The following PARP11 variants were observed in gnomAD, a reference collection of about 807,000 sequenced individuals.
PARP11 encodes protein mono-ADP-ribosyltransferase PARP11.
In PARP11, 31 loss-of-function variants were observed where a neutral mutation model predicts 42.9. That is an observed-to-expected ratio of 0.72 (90% CI 0.54 to 0.98). PARP11 has a LOEUF of 0.98. PARP11 is among the 50% of genes least tolerant of loss of function. The pLI is 0.00. For synonymous variants in PARP11, 137 were observed against 127.3 expected, an observed-to-expected ratio of 1.08 and a Z score of -0.51; for missense variants, 365 against 413.1, an observed-to-expected ratio of 0.88 and a Z score of 1.01.
chr12:3,821,397 C>A (rs538838475), intron 6 of PARP11, among the ~76,000 whole-genome samples: 1 of 152,094 alleles, frequency 6.6e-6, no homozygotes. Context: ...CCACTTAAAT[C>A]CAGTAAGGAA....
At chr12:3,865,435 T>C (rs1265000306) in intron 1 of PARP11, among the ~76,000 whole-genome samples, 2 of 152,148 alleles carry the variant, frequency 1.3e-5, no homozygotes, top group African/African-American at 4.8e-5. Context: ...GCTCATTCCA[T>C]CAATTATTTG....
rs1014451776 is a variant in PARP11 at position 3,811,256 on chromosome 12, A to T, written c.*867T>A. On this transcript the variant is annotated 3_prime_UTR_variant, in exon 8 of 8. Transcript: ENST00000228820. ...CTGTGTGTGCTGCAGAGGGGAAGGT[A>T]AAAAAAAATCTTAGAAGTGATCATT... 2 of 151,750 alleles carry T rather than the reference A, an allele frequency of 1.3e-5. No homozygotes were observed. Among genetic ancestry groups the T allele is most frequent in the Admixed American group, 1.3e-4 (2 of 15,226 alleles). The allele number at this position is 151,750 out of a possible 1,614,324, so 9.4% of individuals were successfully genotyped here.
At chr12:3,831,802 T>A (rs1489397125) in intron 1 of PARP11, among the ~76,000 whole-genome samples, 1 of 152,148 alleles carries the variant, frequency 6.6e-6, no homozygotes, top group East Asian at 1.9e-4. Context: ...ATAAAGACAA[T>A]GATTTAAAGT....
intron 1 of PARP11, among the ~76,000 whole-genome samples, chr12:3,869,622 C>T (rs1042207872): frequency 2.0e-5 from 3 of 152,342 alleles, no homozygotes; most frequent in East Asian, 3.9e-4. Context: ...ACCTGGCTAA[C>T]GCTTGCTCAA....
At chr12:3,867,904 G>T (rs1948417907) in intron 1 of PARP11, among the ~76,000 whole-genome samples, 1 of 152,196 alleles carries the variant, frequency 6.6e-6, no homozygotes, top group Admixed American at 6.5e-5. Flanking sequence ...TCTTCAGGGA[G>T]AAATCTTCCG....
chr12:3,853,739 T>C (rs1288664198), intron 1 of PARP11, among the ~76,000 whole-genome samples: 2 of 152,150 alleles, frequency 1.3e-5, no homozygotes, highest in African/African-American at 2.4e-5. Context: ...GACAGAAAGT[T>C]AACAAGGATA....
chr12:3,871,195 G>A (rs1948471428), intron 1 of PARP11, among the ~76,000 whole-genome samples: 1 of 152,136 alleles, frequency 6.6e-6, no homozygotes, highest in Admixed American at 6.5e-5. Flanking sequence ...GAAGAATACT[G>A]ATTATAGGAA....
intron 1 of PARP11, among the ~76,000 whole-genome samples, chr12:3,843,320 G>T (rs943128536): frequency 2.0e-5 from 3 of 152,200 alleles, no homozygotes; most frequent in African/African-American, 7.2e-5. Context: ...TACGCATTTT[G>T]AAAATAATCT....
At chr12:3,841,020 G>T in intron 1 of PARP11, 1 of 1,584,254 alleles carries the variant, frequency 6.3e-7, no homozygotes, top group South Asian at 1.1e-5. Context: ...TTCCTGGTCG[G>T]TCAGTGACAC....
intron 6 of PARP11, among the ~76,000 whole-genome samples, chr12:3,821,662 G>A (rs997462514): frequency 1.3e-5 from 2 of 152,190 alleles, no homozygotes; most frequent in Admixed American, 6.5e-5. Context: ...TTGAAAGGAA[G>A]GAGCTTCTCA....
At chr12:3,825,759 T>C (rs1224542753) in intron 4 of PARP11, among the ~76,000 whole-genome samples, 1 of 152,224 alleles carries the variant, frequency 6.6e-6, no homozygotes, top group East Asian at 1.9e-4. Flanking sequence ...AGTCTCACTC[T>C]GTCGCCCAGG....
chr12:3,845,515 A>C (rs1947979180), intron 1 of PARP11, among the ~76,000 whole-genome samples: 1 of 152,192 alleles, frequency 6.6e-6, no homozygotes, highest in South Asian at 2.1e-4. Context: ...GCCATCCTAG[A>C]AACTAGCAAT....
At chr12:3,853,757 C>T (rs1231023540) in intron 1 of PARP11, among the ~76,000 whole-genome samples, 2 of 152,142 alleles carry the variant, frequency 1.3e-5, no homozygotes, top group Non-Finnish European at 2.9e-5. Flanking sequence ...ATATCCAGGA[C>T]TTGCACTCAG....
chr12:3,842,670 A>AC, intron 1 of PARP11: 1 of 606,992 alleles, frequency 1.6e-6, no homozygotes, highest in Non-Finnish European at 2.9e-6. Flanking sequence ...GACATTGTGG[A>AC]CATGAGTTCA....
At chr12:3,828,248 C>A (rs1947567739) in intron 3 of PARP11, among the ~76,000 whole-genome samples, 1 of 152,084 alleles carries the variant, frequency 6.6e-6, no homozygotes, top group South Asian at 2.1e-4. Flanking sequence ...CTGTTTGATC[C>A]TTAAAGTAAA....
intron 1 of PARP11, chr12:3,832,034 A>G (rs543522838): frequency 1.7e-5 from 7 of 405,838 alleles, no homozygotes; most frequent in Non-Finnish European, 2.3e-5. Flanking sequence ...TTTCTCTATT[A>G]GAAAAGAGAA....
intron 1 of PARP11, among the ~76,000 whole-genome samples, chr12:3,834,535 G>A (rs972259708): frequency 6.6e-6 from 1 of 150,576 alleles, no homozygotes. Context: ...TCAGGAGGCC[G>A]AGAGAAGAGA....
At chr12:3,867,223 T>A (rs1462401133) in intron 1 of PARP11, among the ~76,000 whole-genome samples, 4 of 152,222 alleles carry the variant, frequency 2.6e-5, no homozygotes, top group Admixed American at 2.6e-4. Context: ...GAGTCAACAA[T>A]ATGCCTCCTG....
intron 1 of PARP11, among the ~76,000 whole-genome samples, chr12:3,848,576 C>G (rs1948040987): frequency 6.6e-6 from 1 of 152,074 alleles, no homozygotes; most frequent in African/African-American, 2.4e-5. Flanking sequence ...ATAAATGGTG[C>G]TGGGAAAACT....
Sources: allele counts gnomAD v4.1 joint callset (sites outside exome capture counted in the v4.1 genomes callset), GRCh38; gene constraint gnomAD v4.1.1; transcripts MANE v1.5; gene names NCBI Gene and HGNC (gene_info 2026-07-23, HGNC 2026-07-21).